CHMP2B: variants seen among roughly 807,000 people sequenced by gnomAD.
CHMP2B encodes VPS2 homolog B.
Under a neutral mutation model 29.8 loss-of-function variants are expected in CHMP2B, and 22 were observed. That is an observed-to-expected ratio of 0.74 (90% CI 0.53 to 1.05). The LOEUF is 1.05. Among genes scored for constraint, CHMP2B ranks in the 50% least tolerant of loss-of-function variants. The pLI is 0.00. For missense variants in CHMP2B, 261 were observed against 252.2 expected, an observed-to-expected ratio of 1.03 and a Z score of -0.24; for synonymous variants, 78 against 75.8, an observed-to-expected ratio of 1.03 and a Z score of -0.15.
chr3:87,244,025 T>G (rs1362525554), intron 2 of CHMP2B, among the ~76,000 whole-genome samples: 1 of 135,856 alleles, frequency 7.4e-6, no homozygotes, highest in Non-Finnish European at 1.7e-5. Context: ...TGTTTTTTGT[T>G]TTTTTTTTTT....
intron 2 of CHMP2B, among the ~76,000 whole-genome samples, chr3:87,244,051 G>GT (rs1706169447): frequency 7.7e-6 from 1 of 129,770 alleles, no homozygotes; most frequent in African/African-American, 3.3e-5. Context: ...TTTGTTTTTT[G>GT]TTGTTTTTTT....
chr3:87,253,537 G>C, intron 5 of CHMP2B, 27 bp downstream of exon 5: 2 of 1,491,732 alleles, frequency 1.3e-6, no homozygotes, highest in Non-Finnish European at 1.9e-6. Flanking sequence ...TTCTTAGTTG[G>C]AAATAGTTTC....
intron 2 of CHMP2B, among the ~76,000 whole-genome samples, chr3:87,243,408 T>C (rs898371127): frequency 2.6e-5 from 4 of 152,084 alleles, no homozygotes; most frequent in African/African-American, 9.7e-5. Context: ...TGTTTGTTTG[T>C]TTGTTTTGAG....
intron 3 of CHMP2B, among the ~76,000 whole-genome samples, chr3:87,248,206 G>T (rs970201207): frequency 6.6e-6 from 1 of 151,808 alleles, no homozygotes; most frequent in Non-Finnish European, 1.5e-5. Flanking sequence ...GCTGAGGCAA[G>T]AGAATTGCAG....
rs1274903105 is a variant in CHMP2B, at chr3:87,247,878, G to A, written c.321+1970G>A. 8.5e-5 allele frequency among the ~76,000 whole-genome samples: 13 copies of A among 152,182 alleles called. No homozygotes were observed. In the South Asian group the frequency reaches 1.9e-3, roughly 22 times the overall value. On this transcript the variant is annotated intron_variant, in intron 3 of 5. Transcript: ENST00000263780. ...CTAAACACTCTGACTTGATCACTAC[G>A]CATTATATACATGTAACAAAATTTT...
intron 4 of CHMP2B, 71 bp downstream of exon 4, chr3:87,250,048 T>C: frequency 1.1e-6 from 1 of 876,904 alleles, no homozygotes; most frequent in East Asian, 2.8e-5. Context: ...TTACTATGTC[T>C]CATATTCTCA....
chr3:87,232,413 T>C (rs1190282877), intron 1 of CHMP2B, among the ~76,000 whole-genome samples: 1 of 152,144 alleles, frequency 6.6e-6, no homozygotes, highest in East Asian at 1.9e-4. Flanking sequence ...TTCAGATCTT[T>C]CCCAGGATGC....
In CHMP2B at chr3:87,253,644, G is replaced by T. The variant is rs1022190771; in HGVS notation, c.532-68G>T. 77 of 1,424,306 alleles carry T rather than the reference G, an allele frequency of 5.4e-5. No homozygotes were observed. The Admixed American group carries it at 1.3e-3, about 24-fold the overall frequency. The allele number at this position is 1,424,306 out of a possible 1,614,324, so 88.2% of individuals were successfully genotyped here. ...AGTAAATTAAACAGACCTCTTTACA[G>T]CACATCCTGTATGTCCTAGTCCAAA... On this transcript the variant is annotated intron_variant, in intron 5 of 5. Coordinates refer to ENST00000263780, the MANE Select transcript of CHMP2B (RefSeq NM_014043.4).
Position 87,249,913 on chromosome 3 carries a change from G to C in CHMP2B, c.360G>C (p.Lys120Asn), listed in dbSNP as rs758256432. The C allele has an allele frequency of 6.2e-7, 1 of 1,607,298 alleles. No homozygotes were observed. The highest frequency in any genetic ancestry group is 8.5e-7 in the Non-Finnish European group (1 of 1,175,516). ...QAVNKKMDPQ[K>N]TLQTMQNFQK... ...TTAACAAGAAGATGGATCCACAAAA[G>C]ACATTACAAACAATGCAGAATTTCC... Residue 120 changes from lysine (K) to asparagine (N), a missense_variant, in exon 4 of 6, where the codon AAG becomes AAC. Transcript: ENST00000263780.
At chr3:87,241,213 T>C (rs1339582366) in intron 2 of CHMP2B, among the ~76,000 whole-genome samples, 1 of 152,248 alleles carries the variant, frequency 6.6e-6, no homozygotes, top group Non-Finnish European at 1.5e-5. Context: ...ACTTTTATAA[T>C]AGACTGGTCT....
intron 3 of CHMP2B, among the ~76,000 whole-genome samples, 180 bp downstream of exon 3, chr3:87,246,088 G>A (rs930291193): frequency 1.9e-4 from 29 of 150,694 alleles, no homozygotes; most frequent in African/African-American, 6.6e-4. Context: ...ATTCTTTATT[G>A]ATATGTTTTA....
chr3:87,244,965 T>G (rs1244627873), intron 2 of CHMP2B, among the ~76,000 whole-genome samples: 2 of 152,186 alleles, frequency 1.3e-5, no homozygotes, highest in Non-Finnish European at 2.9e-5. Context: ...CTCCTTTCAG[T>G]TCTGTCCATT....
At chr3:87,236,087 G>A (rs1559606058) in intron 1 of CHMP2B, among the ~76,000 whole-genome samples, 1 of 152,152 alleles carries the variant, frequency 6.6e-6, no homozygotes, top group Non-Finnish European at 1.5e-5. Context: ...GCATATCAGT[G>A]TGTTCACCAA....
chr3:87,230,016 T>A (rs981329844), intron 1 of CHMP2B, among the ~76,000 whole-genome samples: 73 of 152,312 alleles, frequency 4.8e-4, no homozygotes, highest in African/African-American at 1.7e-3. Context: ...AATTTGAAAT[T>A]ACAGTTGAGT....
At chr3:87,247,991 T>C (rs1706244945) in intron 3 of CHMP2B, among the ~76,000 whole-genome samples, 1 of 151,952 alleles carries the variant, frequency 6.6e-6, no homozygotes, top group African/African-American at 2.4e-5. Context: ...TTATAATCTT[T>C]AAAAAGAGAA....
intron 4 of CHMP2B, among the ~76,000 whole-genome samples, chr3:87,252,686 C>T (rs902350303): frequency 1.8e-4 from 28 of 151,790 alleles, no homozygotes; most frequent in East Asian, 7.8e-4. Context: ...TGTTTTTCTC[C>T]GTCTATATAC....
At chr3:87,253,199 TTGAAA>T (rs1444253493) in intron 4 of CHMP2B, 200 bp from the exon 5 acceptor site, 10 of 505,812 alleles carry the variant, frequency 2.0e-5, no homozygotes, top group Middle Eastern at 4.0e-4. Flanking sequence ...ATAATTTGTG[TTGAAA>T]TGAACATTAT....
At position 87,245,825 on chromosome 3, in the gene CHMP2B, T is replaced by A; in HGVS notation, c.238T>A (p.Ser80Thr). The A allele has an allele frequency of 6.2e-7, 1 of 1,613,752 alleles. No individual in the cohort carries two copies. Among genetic ancestry groups the A allele is most frequent in the Non-Finnish European group, 8.5e-7 (1 of 1,179,802 alleles). ...GAAGACGAGAACTTTTGCTGTAAGT[T>A]CAAAAGTTACTTCTATGTCTACACA... ...KQKTRTFAVS[S>T]KVTSMSTQTK... is the part of the protein sequence containing the mutation. The change falls in exon 3 of 6, where the codon TCA becomes ACA. Residue 80 changes from serine (S) to threonine (T), a missense_variant. Transcript: ENST00000263780.
At chr3:87,230,732 T>C (rs964010338) in intron 1 of CHMP2B, among the ~76,000 whole-genome samples, 2 of 152,184 alleles carry the variant, frequency 1.3e-5, no homozygotes, top group African/African-American at 4.8e-5. Context: ...TATCTCCACT[T>C]CTTTACTTAA....
Sources: gnomAD v4.1 joint callset for allele counts (sites outside exome capture counted in the v4.1 genomes callset) on GRCh38, gnomAD v4.1.1 for gene constraint, MANE v1.5 for transcripts, NCBI Gene and HGNC (gene_info 2026-07-23, HGNC 2026-07-21) for gene names.